SPCS3: variants seen among roughly 807,000 people sequenced by gnomAD.
SPCS3 encodes the protein signal peptidase complex subunit 3.
A neutral mutation model predicts 17.2 loss-of-function variants in SPCS3; 9 were observed. The ratio of observed to expected loss-of-function variants is 0.52; its 90% CI spans 0.31 to 0.91. The LOEUF (loss-of-function observed/expected upper bound fraction) is 0.91. SPCS3 is among the 40% of genes least tolerant of loss of function. SPCS3 has a pLI of 0.04. For missense variants in SPCS3, 139 were observed against 217.5 expected, an observed-to-expected ratio of 0.64 and a Z score of 2.27; for synonymous variants, 87 against 89.6, an observed-to-expected ratio of 0.97 and a Z score of 0.16.
intron 3 of SPCS3, among the ~76,000 whole-genome samples, chr4:176,325,977 CTTA>C (rs1731601201): frequency 6.6e-6 from 1 of 151,978 alleles, no homozygotes; most frequent in Non-Finnish European, 1.5e-5. Flanking sequence ...AATTATAAAA[CTTA>C]TTATGAATTA....
chr4:176,322,688 G>T (rs1331164476), intron 2 of SPCS3, among the ~76,000 whole-genome samples: 3 of 152,080 alleles, frequency 2.0e-5, no homozygotes, highest in Non-Finnish European at 4.4e-5. Context: ...ATTTGAAAAG[G>T]TCATATCAAA....
chr4:176,328,182 TTA>T lies in SPCS3; in HGVS notation c.411-12_411-11del. ...TAGTGTCTCTGATGACTTGTGTTTA[TTA>T]TATCTTTTTATAGGGGAAACAGGAA... On this transcript the variant is annotated splice_polypyrimidine_tract_variant and intron_variant, in intron 4 of 4. Transcript: ENST00000503362. The T allele has an allele frequency of 6.2e-7, 1 of 1,609,326 alleles. No individual in the cohort carries two copies. The highest frequency in any genetic ancestry group is 2.2e-5 in the East Asian group (1 of 44,782).
chr4:176,327,321 A>C (rs752703494), intron 4 of SPCS3, 44 bp downstream of exon 4: 1 of 1,147,350 alleles, frequency 8.7e-7, no homozygotes, highest in Non-Finnish European at 1.2e-6. Context: ...TAAGAGGTGA[A>C]AAAGAGAGAA....
rs572391283 is a variant in SPCS3, at chr4:176,329,668, T to G, written c.*1338T>G. The stretch of plus-strand genomic sequence containing the variant: ...TAGAAATTCAGTACATAATACATGA[T>G]TGAATACATGATCGTATTTAACATG... On this transcript the variant is annotated 3_prime_UTR_variant, in exon 5 of 5. Coordinates refer to ENST00000503362, the MANE Select transcript of SPCS3 (RefSeq NM_021928.4). The G allele has an allele frequency of 6.6e-6, 1 of 152,280 alleles. No individual in the cohort carries two copies. Among genetic ancestry groups the G allele is most frequent in the South Asian group, 2.1e-4 (1 of 4,828 alleles). The allele number at this position is 152,280 out of a possible 1,614,324, so 9.4% of individuals were successfully genotyped here. A position where few individuals can be genotyped will look rare whatever the true frequency, so the allele number is the denominator to read the frequency against.
In SPCS3 at chr4:176,320,048, G is replaced by A. The variant is rs1420783658; in HGVS notation, c.-29G>A. 6.6e-7 allele frequency: 1 copy of A among 1,508,378 alleles called. No homozygotes were observed. The highest frequency in any genetic ancestry group is 1.2e-5 in the South Asian group (1 of 81,082). 93.4% of individuals were successfully genotyped at this position (1,508,378 alleles called of 1,614,324 possible). ...GGAACGGGAGCCTGGGTGTGCGTGT[G>A]GAGTCCGGACTCGTGGGAGACGATC... On this transcript the variant is annotated 5_prime_UTR_variant, in exon 1 of 5. Coordinates refer to ENST00000503362, the MANE Select transcript of SPCS3 (RefSeq NM_021928.4).
At chr4:176,322,024 C>G (rs1230236927) in intron 1 of SPCS3, 146 bp from the exon 2 acceptor site, 1 of 507,726 alleles carries the variant, frequency 2.0e-6, no homozygotes, top group Non-Finnish European at 3.5e-6. Context: ...TGTTTTCACA[C>G]TTACAGGTTT....
At chr4:176,322,643 AAC>A (rs1731553654) in intron 2 of SPCS3, among the ~76,000 whole-genome samples, 1 of 150,962 alleles carries the variant, frequency 6.6e-6, no homozygotes, top group Non-Finnish European at 1.5e-5. Flanking sequence ...AGCAGAGAGA[AAC>A]ATATGTTTAA....
intron 4 of SPCS3, 99 bp downstream of exon 4, chr4:176,327,376 GA>G: frequency 1.5e-6 from 1 of 688,142 alleles, no homozygotes; most frequent in Non-Finnish European, 2.3e-6. Context: ...AGTAAAAGGA[GA>G]AAAATTGGGA....
Position 176,327,288 on chromosome 4 carries a change from CT to C in SPCS3, c.410+13del, listed in dbSNP as rs1249486904. ...TGGAAATGGTCTCAAGTGAGCAATT[CT>C]TGGTCATTTTTTTACATTTAATAAG... is the stretch of plus-strand genomic sequence containing the variant. On this transcript the variant is annotated intron_variant, in intron 4 of 4. Coordinates refer to ENST00000503362, the MANE Select transcript of SPCS3 (RefSeq NM_021928.4). The C allele has an allele frequency of 6.9e-7, 1 of 1,456,962 alleles. No homozygotes were observed. Among genetic ancestry groups the C allele is most frequent in the Non-Finnish European group, 9.2e-7 (1 of 1,083,666 alleles). The allele number at this position is 1,456,962 out of a possible 1,614,324, so 90.3% of individuals were successfully genotyped here. A position where few individuals can be genotyped will look rare whatever the true frequency, so the allele number is the denominator to read the frequency against.
Position 176,330,661 on chromosome 4 carries a change from G to C in SPCS3, c.*2331G>C, listed in dbSNP as rs554711797. 1 of 152,240 alleles carries C rather than the reference G, an allele frequency of 6.6e-6. No homozygotes were observed. The highest frequency in any genetic ancestry group is 2.4e-5 in the African/African-American group (1 of 41,538). 9.4% of individuals were successfully genotyped at this position (152,240 alleles called of 1,614,324 possible). A position where few individuals can be genotyped will look rare whatever the true frequency, so the allele number is the denominator to read the frequency against. ...GTTTCTACATTTAAAAAATTGACTT[G>C]TGTTCAGTTTGATAACCAGTTCATT... On this transcript the variant is annotated 3_prime_UTR_variant, in exon 5 of 5. Transcript: ENST00000503362.
At chr4:176,324,423 C>A (rs554060245) in intron 3 of SPCS3, among the ~76,000 whole-genome samples, 166 bp downstream of exon 3, 50 of 151,308 alleles carry the variant, frequency 3.3e-4, no homozygotes, top group African/African-American at 1.2e-3. Flanking sequence ...CTTTTGGGAG[C>A]CTTTTTGTTG....
intron 3 of SPCS3, 23 bp downstream of exon 3, chr4:176,324,280 A>AT: frequency 1.0e-6 from 1 of 999,230 alleles, no homozygotes; most frequent in Non-Finnish European, 1.4e-6. Context: ...AATTAGAAGT[A>AT]TTTTAATAGC....
intron 2 of SPCS3, among the ~76,000 whole-genome samples, chr4:176,323,767 A>G (rs970096972): frequency 2.0e-5 from 3 of 151,758 alleles, no homozygotes; most frequent in African/African-American, 4.8e-5. Context: ...ATGTTTGCAT[A>G]TTGTTAAATT....
At position 176,328,995 on chromosome 4, in the gene SPCS3, A is replaced by G. The variant is rs1731647403; in HGVS notation, c.*665A>G. ...AATTCATTTTAAAATCTTTTAGGTCAGCAAAATGTGTGTCTTCAGTGCTTT... is the reference window on the plus strand; with the variant it reads ...AATTCATTTTAAAATCTTTTAGGTCGGCAAAATGTGTGTCTTCAGTGCTTT... On this transcript the variant is annotated 3_prime_UTR_variant, in exon 5 of 5. Coordinates refer to ENST00000503362, the MANE Select transcript of SPCS3 (RefSeq NM_021928.4). The G allele has an allele frequency of 6.6e-6, 1 of 152,160 alleles. No individual in the cohort carries two copies. The highest frequency in any genetic ancestry group is 1.5e-5 in the Non-Finnish European group (1 of 67,976). 9.4% of individuals were successfully genotyped at this position (152,160 alleles called of 1,614,324 possible). A position where few individuals can be genotyped will look rare whatever the true frequency, so the allele number is the denominator to read the frequency against.
At position 176,325,039 on chromosome 4, in the gene SPCS3, CT is replaced by C. The variant is rs1027685636; in HGVS notation, c.294+793del. ...AGTATTGCCACCACTCAGCTGTTTC[CT>C]TTTTTTTTTTACTTTTTTTTTTTTT... On this transcript the variant is annotated intron_variant, in intron 3 of 4. Coordinates refer to ENST00000503362, the MANE Select transcript of SPCS3 (RefSeq NM_021928.4). 4.0e-4 allele frequency among the ~76,000 whole-genome samples: 56 copies of C among 140,188 alleles called. 1 individual carries two copies. The highest frequency in any genetic ancestry group is 7.9e-4 in the Admixed American group (11 of 13,974). 92.0% of individuals were successfully genotyped at this position (140,188 alleles called of 152,430 possible). A position where few individuals can be genotyped will look rare whatever the true frequency, so the allele number is the denominator to read the frequency against.
In SPCS3 at chr4:176,330,128, G is replaced by C. The variant is rs1341950982; in HGVS notation, c.*1798G>C. 6.6e-6 allele frequency: 1 copy of C among 152,154 alleles called. No homozygotes were observed. The highest frequency in any genetic ancestry group is 2.4e-5 in the African/African-American group (1 of 41,436). The allele number at this position is 152,154 out of a possible 1,614,324, so 9.4% of individuals were successfully genotyped here. On this transcript the variant is annotated 3_prime_UTR_variant, in exon 5 of 5. Coordinates refer to ENST00000503362, the MANE Select transcript of SPCS3 (RefSeq NM_021928.4). The stretch of plus-strand genomic sequence containing the variant: ...CAAGTTGATAAAATTTATCTGTTCA[G>C]CAAAGAGATTGAACAAAAAAGCACG...
At position 176,330,448 on chromosome 4, in the gene SPCS3, A is replaced by T. The variant is rs1731670886; in HGVS notation, c.*2118A>T. On this transcript the variant is annotated 3_prime_UTR_variant, in exon 5 of 5. Coordinates refer to ENST00000503362, the MANE Select transcript of SPCS3 (RefSeq NM_021928.4). ...CTGGTAGAGATTAATGTTGAAATTTACTTGAATTACAGTTATTTGACAAGC... is the reference window on the plus strand; with the variant it reads ...CTGGTAGAGATTAATGTTGAAATTTTCTTGAATTACAGTTATTTGACAAGC... The T allele has an allele frequency of 6.6e-6, 1 of 152,218 alleles. No homozygotes were observed. The highest frequency in any genetic ancestry group is 2.4e-5 in the African/African-American group (1 of 41,454). The allele number at this position is 152,218 out of a possible 1,614,324, so 9.4% of individuals were successfully genotyped here. A position where few individuals can be genotyped will look rare whatever the true frequency, so the allele number is the denominator to read the frequency against.
chr4:176,320,406 C>G (rs1289324306), intron 1 of SPCS3, 187 bp downstream of exon 1: 1 of 364,356 alleles, frequency 2.7e-6, no homozygotes, highest in African/African-American at 2.2e-5. Flanking sequence ...TCCGGCGTCC[C>G]CTCGGAACTT....
rs1211350986 is a variant in SPCS3, at chr4:176,330,115, A to AT, written c.*1788dup. ...CTTTTACACCACACAAGTTGATAAA[A>AT]TTTATCTGTTCAGCAAAGAGATTGA... On this transcript the variant is annotated 3_prime_UTR_variant, in exon 5 of 5. Transcript: ENST00000503362. 4 of 152,230 alleles carry AT rather than the reference A, an allele frequency of 2.6e-5. No individual in the cohort carries two copies. Among genetic ancestry groups the AT allele is most frequent in the Non-Finnish European group, 2.9e-5 (2 of 68,030 alleles). 9.4% of individuals were successfully genotyped at this position (152,230 alleles called of 1,614,324 possible). A position where few individuals can be genotyped will look rare whatever the true frequency, so the allele number is the denominator to read the frequency against.
Sources: gnomAD v4.1 joint callset for allele counts (sites outside exome capture counted in the v4.1 genomes callset) on GRCh38, gnomAD v4.1.1 for gene constraint, MANE v1.5 for transcripts, NCBI Gene and HGNC (gene_info 2026-07-23, HGNC 2026-07-21) for gene names.